The following COL25A1 variants were observed in gnomAD, a reference collection of about 807,000 sequenced individuals.
The protein encoded by COL25A1 is collagen alpha-1(XXV) chain.
COL25A1 carries 103 observed loss-of-function variants against 128.4 expected under a neutral mutation model. The observed-to-expected ratio is 0.80, with a 90% confidence interval of 0.68 to 0.94. COL25A1 has a LOEUF of 0.94. COL25A1 is among the 40% of genes least tolerant of loss of function. The pLI is 0.00. For missense variants in COL25A1, 745 were observed against 840.0 expected (o/e 0.89, Z 1.40); for synonymous variants, 279 against 277.2 (o/e 1.01, Z -0.06).
At chr4:109,018,395 T>G (rs1355095230) in intron 5 of COL25A1, among the ~76,000 whole-genome samples, 3 of 152,132 alleles carry the variant, frequency 2.0e-5, no homozygotes, top group Non-Finnish European at 4.4e-5. Context: ...CAGAAAATTT[T>G]TTATATTTAG....
intron 3 of COL25A1, among the ~76,000 whole-genome samples, chr4:109,114,507 G>T (rs1767335333): frequency 6.6e-6 from 1 of 152,038 alleles, no homozygotes; most frequent in South Asian, 2.1e-4. Flanking sequence ...TGCAAAAAGT[G>T]ATGTAGAATG....
Position 109,175,730 on chromosome 4 carries a change from T to C in COL25A1, c.367+124853A>G, listed in dbSNP as rs564683076. On this transcript the variant is annotated intron_variant, in intron 3 of 37. Coordinates refer to ENST00000399132, the MANE Select transcript of COL25A1 (RefSeq NM_198721.4). ...CTTTTAGCCATTCAATAGATACATCTAAGCCACACAAAATGCCATAGTAGA... is the reference window on the plus strand; with the variant it reads ...CTTTTAGCCATTCAATAGATACATCCAAGCCACACAAAATGCCATAGTAGA... 5.9e-5 allele frequency among the ~76,000 whole-genome samples: 9 copies of C among 152,334 alleles called. No homozygotes were observed. In the East Asian group the frequency reaches 1.7e-3, roughly 29 times the overall value.
intron 24 of COL25A1, among the ~76,000 whole-genome samples, chr4:108,858,585 G>T (rs912630356): frequency 2.0e-5 from 3 of 152,152 alleles, no homozygotes; most frequent in Non-Finnish European, 4.4e-5. Context: ...CAGTATAATT[G>T]TATTGGTGGA....
intron 3 of COL25A1, among the ~76,000 whole-genome samples, chr4:109,254,394 G>A (rs28470350): frequency 0.016 from 2,309 of 146,482 alleles, 64 homozygotes; most frequent in African/African-American, 0.054. Context: ...GGCTGGGAAC[G>A]CTATTGAGCA....
chr4:108,983,717 C>T (rs547138606), intron 6 of COL25A1, among the ~76,000 whole-genome samples: 3 of 151,950 alleles, frequency 2.0e-5, no homozygotes, highest in African/African-American at 7.3e-5. Context: ...TGCGGACCTT[C>T]GCAGTGAGTG....
chr4:109,070,562 G>A (rs1397890843), intron 3 of COL25A1, among the ~76,000 whole-genome samples: 1 of 151,864 alleles, frequency 6.6e-6, no homozygotes, highest in Non-Finnish European at 1.5e-5. Context: ...TATACTTTAA[G>A]TTCTAGGGTA....
chr4:109,291,175 T>C (rs1354303690), intron 3 of COL25A1, among the ~76,000 whole-genome samples: 2 of 152,134 alleles, frequency 1.3e-5, no homozygotes, highest in Admixed American at 6.6e-5. Context: ...CAGTAAACAG[T>C]GCTGCTGATG....
chr4:109,226,738 C>T (rs752105940), intron 3 of COL25A1, among the ~76,000 whole-genome samples: 126 of 152,134 alleles, frequency 8.3e-4, no homozygotes, highest in Non-Finnish European at 1.5e-3. Context: ...CATTTATTTA[C>T]ATTTTTAAGG....
intron 35 of COL25A1, 137 bp downstream of exon 35, chr4:108,824,037 T>C: frequency 6.2e-7 from 1 of 1,611,604 alleles, no homozygotes; most frequent in South Asian, 1.1e-5. Context: ...ACCTGATTCC[T>C]TAAATCAGGC....
At chr4:108,959,137 G>A (rs1386868532) in intron 8 of COL25A1, among the ~76,000 whole-genome samples, 1 of 151,986 alleles carries the variant, frequency 6.6e-6, no homozygotes, top group Non-Finnish European at 1.5e-5. Context: ...TAAGTAAATG[G>A]AACAGGTTGG....
intron 13 of COL25A1, 135 bp from the exon 14 acceptor site, chr4:108,901,307 G>A (rs1305077715): frequency 1.5e-6 from 1 of 670,104 alleles, no homozygotes; most frequent in South Asian, 1.9e-5. Context: ...TTAAATTCAA[G>A]TTAGCTTCCA....
chr4:108,886,411 T>A (rs944198528), intron 18 of COL25A1, among the ~76,000 whole-genome samples: 1 of 151,444 alleles, frequency 6.6e-6, no homozygotes, highest in Non-Finnish European at 1.5e-5. Context: ...CCAACACAAA[T>A]TTATAAACTT....
chr4:109,005,764 G>A (rs956314422), intron 6 of COL25A1, among the ~76,000 whole-genome samples: 1 of 152,154 alleles, frequency 6.6e-6, no homozygotes, highest in Non-Finnish European at 1.5e-5. Context: ...CAGATGACAA[G>A]CTGTCTTCCT....
chr4:109,270,222 C>CA (rs1320568120), intron 3 of COL25A1, among the ~76,000 whole-genome samples: 1 of 151,894 alleles, frequency 6.6e-6, no homozygotes, highest in Admixed American at 6.6e-5. Context: ...CTGGCCAGGG[C>CA]AATTAGGCAG....
At chr4:109,070,607 T>C (rs539461585) in intron 3 of COL25A1, among the ~76,000 whole-genome samples, 80 of 152,090 alleles carry the variant, frequency 5.3e-4, no homozygotes, top group Middle Eastern at 3.4e-3. Context: ...TACATATGTA[T>C]ACATGTGCCA....
Position 109,168,749 on chromosome 4 carries a change from T to C in COL25A1, c.368-118570A>G, listed in dbSNP as rs977958734. 3.3e-4 allele frequency among the ~76,000 whole-genome samples: 50 copies of C among 152,156 alleles called. 1 individual carries two copies. The highest frequency in any genetic ancestry group is 7.4e-5 in the Non-Finnish European group (5 of 68,022). On this transcript the variant is annotated intron_variant, in intron 3 of 37. Coordinates refer to ENST00000399132, the MANE Select transcript of COL25A1 (RefSeq NM_198721.4). ...TAAACCAAGCTGTGACTCAAACTAC[T>C]TCAGAATTGGATTCAGAAAGTATTA...
intron 3 of COL25A1, among the ~76,000 whole-genome samples, chr4:109,143,499 T>C (rs551017231): frequency 3.3e-5 from 5 of 152,326 alleles, no homozygotes; most frequent in Non-Finnish European, 5.9e-5. Flanking sequence ...CTAAAGAGTG[T>C]CTTCCAACTT....
intron 11 of COL25A1, among the ~76,000 whole-genome samples, chr4:108,921,342 T>C (rs1232191831): frequency 6.6e-6 from 1 of 152,204 alleles, no homozygotes; most frequent in African/African-American, 2.4e-5. Context: ...CTTGGCTTTA[T>C]TTAGAGCAAG....
intron 31 of COL25A1, among the ~76,000 whole-genome samples, chr4:108,837,476 G>A (rs942463322): frequency 2.0e-5 from 3 of 152,122 alleles, no homozygotes; most frequent in Admixed American, 6.6e-5. Flanking sequence ...TGAAGAGCCT[G>A]GGGGAGATTC....
Sources: allele counts gnomAD v4.1 joint callset (sites outside exome capture counted in the v4.1 genomes callset), GRCh38; gene constraint gnomAD v4.1.1; transcripts MANE v1.5; gene names NCBI Gene and HGNC (gene_info 2026-07-23, HGNC 2026-07-21).